Variants in KDM4B observed in about 807,000 individuals in gnomAD.
KDM4B encodes lysine-specific demethylase 4B.
Under a neutral mutation model 125.2 loss-of-function variants are expected in KDM4B, and 32 were observed. That is an observed-to-expected ratio of 0.26 (90% confidence interval 0.19 to 0.34). The LOEUF (loss-of-function observed/expected upper bound fraction) is 0.34. Ranked by LOEUF, KDM4B falls within the 10% of genes least tolerant of loss-of-function variation. The pLI, the probability that KDM4B is intolerant of heterozygous loss-of-function variation, is 1.00. For synonymous variants in KDM4B, 721 were observed against 677.9 expected (o/e 1.06, Z -0.99); for missense variants, 1,190 against 1,577.7 (o/e 0.75, Z 4.16).
intron 9 of KDM4B, among the ~76,000 whole-genome samples, chr19:5,108,750 G>A (rs1285830772): frequency 1.3e-5 from 2 of 152,212 alleles, no homozygotes; most frequent in Admixed American, 6.5e-5. Context: ...CTTCTTCTGT[G>A]CCTGTTTGAT....
chr19:5,127,323 GC>G (rs1205943428), intron 11 of KDM4B, among the ~76,000 whole-genome samples: 4 of 152,304 alleles, frequency 2.6e-5, no homozygotes, highest in Admixed American at 6.5e-5. Flanking sequence ...CAAGGACAGA[GC>G]CCCGAGGAAT....
At chr19:5,017,246 C>T (rs2035920666) in intron 2 of KDM4B, among the ~76,000 whole-genome samples, 1 of 152,170 alleles carries the variant, frequency 6.6e-6, no homozygotes, top group Non-Finnish European at 1.5e-5. Context: ...GGAGCCCAGC[C>T]TCTTTTGGGA....
chr19:5,066,075 C>G (rs2037760416), intron 6 of KDM4B, among the ~76,000 whole-genome samples: 1 of 152,342 alleles, frequency 6.6e-6, no homozygotes, highest in South Asian at 2.1e-4. Context: ...TCTCTGGACA[C>G]CAGTCAGACT....
chr19:5,055,626 G>C lies in KDM4B; in HGVS notation c.626+7957G>C, dbSNP rs190862645. ...GGTGGGCCCGTGATGGGGGCTGGGAGGGCGCCCCGCAGCAGGCGAGTGTCG... is the reference window on the plus strand; with the variant it reads ...GGTGGGCCCGTGATGGGGGCTGGGACGGCGCCCCGCAGCAGGCGAGTGTCG... On this transcript the variant is annotated intron_variant, in intron 6 of 22. Coordinates refer to ENST00000159111, the MANE Select transcript of KDM4B (RefSeq NM_015015.3). Among the ~76,000 whole-genome samples the C allele has an allele frequency of 7.4e-4, 113 of 152,308 alleles. 2 individuals are homozygous for C. The highest frequency in any genetic ancestry group is 2.6e-3 in the African/African-American group (107 of 41,562).
rs1197759922 is a variant in KDM4B at position 5,035,378 on chromosome 19, T to C, written c.141+2347T>C. On this transcript the variant is annotated intron_variant, in intron 3 of 22. Coordinates refer to ENST00000159111, the MANE Select transcript of KDM4B (RefSeq NM_015015.3). The surrounding 1 kb of genome is among the most constrained non-coding windows in gnomAD (Gnocchi z 5.3). ...GGGGAATCAGCATCTCAGACCGCCC[T>C]GCGCTCTTCCGAGGTGCCTTTAAAT... is the stretch of plus-strand genomic sequence containing the variant. 6.6e-6 allele frequency among the ~76,000 whole-genome samples: 1 copy of C among 151,940 alleles called. No individual in the cohort carries two copies. Among genetic ancestry groups the C allele is most frequent in the East Asian group, 1.9e-4 (1 of 5,156 alleles).
At chr19:4,982,757 C>T (rs1382159985) in intron 1 of KDM4B, among the ~76,000 whole-genome samples, 1 of 151,958 alleles carries the variant, frequency 6.6e-6, no homozygotes, top group Non-Finnish European at 1.5e-5. Context: ...GGACTACAGG[C>T]GCGTGCCACC....
intron 1 of KDM4B, among the ~76,000 whole-genome samples, chr19:5,006,881 A>G (rs902579522): frequency 2.6e-5 from 4 of 152,010 alleles, no homozygotes; most frequent in African/African-American, 9.7e-5. Context: ...CCGCTCTGTG[A>G]AGTGGGAGTG....
At position 5,114,415 on chromosome 19, in the gene KDM4B, C is replaced by G. The variant is rs1001387879; in HGVS notation, c.1115+3597C>G. 1.1e-5 allele frequency: 5 copies of G among 440,388 alleles called. No individual in the cohort carries two copies. Among genetic ancestry groups the G allele is most frequent in the Non-Finnish European group, 2.2e-5 (5 of 225,176 alleles). The allele number at this position is 440,388 out of a possible 1,614,324, so 27.3% of individuals were successfully genotyped here. On this transcript the variant is annotated intron_variant, in intron 10 of 22. Transcript: ENST00000159111. This position sits in a 1 kb window ranked among gnomAD's most constrained non-coding sequence, Gnocchi z 5.8. ...CAGGACACCGCCACGCCTCTGGCCC[C>G]GACTCCTGCCAGGGCTGCCACGGCT...
rs536524459 is a variant in KDM4B, at chr19:5,114,409, T to C, written c.1115+3591T>C. On this transcript the variant is annotated intron_variant, in intron 10 of 22. Coordinates refer to ENST00000159111, the MANE Select transcript of KDM4B (RefSeq NM_015015.3). The surrounding 1 kb of genome is among the most constrained non-coding windows in gnomAD (Gnocchi z 5.8). ...CCAGTGCAGGACACCGCCACGCCTC[T>C]GGCCCCGACTCCTGCCAGGGCTGCC... The C allele has an allele frequency of 3.4e-4, 152 of 450,802 alleles. No individual in the cohort carries two copies. Among genetic ancestry groups the C allele is most frequent in the African/African-American group, 2.7e-3 (136 of 50,058 alleles). 27.9% of individuals were successfully genotyped at this position (450,802 alleles called of 1,614,324 possible).
intron 9 of KDM4B, among the ~76,000 whole-genome samples, chr19:5,091,714 G>T (rs960151087): frequency 2.6e-5 from 4 of 151,150 alleles, no homozygotes; most frequent in Non-Finnish European, 4.4e-5. Context: ...GAGCCCAGGG[G>T]GAGGGAGCCC....
Position 5,135,338 on chromosome 19 carries a change from G to C in KDM4B, c.2086-1G>C, listed in dbSNP as rs1345963177. 1 of 1,607,002 alleles carries C rather than the reference G, an allele frequency of 6.2e-7. No individual in the cohort carries two copies. Among genetic ancestry groups the C allele is most frequent in the Admixed American group, 1.7e-5 (1 of 59,996 alleles). On this transcript the variant is annotated splice_acceptor_variant, in intron 14 of 22. Transcript: ENST00000159111. LOFTEE classifies it high-confidence loss of function. The stretch of plus-strand genomic sequence containing the variant: ...CCCTGAAGGTCGCCTCTCCCCTACA[G>C]GCCCTACAGACTGAGAAGGAGGCAC...
intron 9 of KDM4B, among the ~76,000 whole-genome samples, chr19:5,096,615 C>T (rs1187564959): frequency 6.7e-6 from 1 of 150,310 alleles, no homozygotes; most frequent in Non-Finnish European, 1.5e-5. Context: ...CCGCGGTGCC[C>T]CCGGCGGTGT....
intron 1 of KDM4B, among the ~76,000 whole-genome samples, chr19:4,991,320 A>C (rs769476059): frequency 6.6e-6 from 1 of 151,580 alleles, no homozygotes; most frequent in Non-Finnish European, 1.5e-5. Flanking sequence ...TTAATTTTTA[A>C]AGAATTACAG....
chr19:5,082,565 C>T lies in KDM4B; in HGVS notation c.918+61C>T. On this transcript the variant is annotated intron_variant, in intron 9 of 22. Coordinates refer to ENST00000159111, the MANE Select transcript of KDM4B (RefSeq NM_015015.3). This position sits in a 1 kb window ranked among gnomAD's most constrained non-coding sequence, Gnocchi z 5.4. The stretch of plus-strand genomic sequence containing the variant: ...GGCGGGAGGAGGCTCTTTTTTGCCT[C>T]TGCAGCCACACGCCCATAGCTGGTC... 1.3e-6 allele frequency: 2 copies of T among 1,514,238 alleles called. No homozygotes were observed. The highest frequency in any genetic ancestry group is 1.3e-5 in the South Asian group (1 of 76,922). The allele number at this position is 1,514,238 out of a possible 1,614,324, so 93.8% of individuals were successfully genotyped here.
chr19:4,988,610 A>G (rs2034927995), intron 1 of KDM4B, among the ~76,000 whole-genome samples: 1 of 152,006 alleles, frequency 6.6e-6, no homozygotes, highest in South Asian at 2.1e-4. Context: ...TTGCTAATGC[A>G]CCTCTCAAAA....
intron 9 of KDM4B, among the ~76,000 whole-genome samples, chr19:5,084,839 T>C (rs1037488916): frequency 6.6e-6 from 1 of 151,452 alleles, no homozygotes; most frequent in Admixed American, 6.6e-5. Flanking sequence ...ATTTCACCTG[T>C]TTCATTTTAC....
intron 11 of KDM4B, among the ~76,000 whole-genome samples, chr19:5,120,486 G>A (rs1193959296): frequency 7.1e-6 from 1 of 141,454 alleles, no homozygotes; most frequent in Non-Finnish European, 1.6e-5. Flanking sequence ...CCACTCTCCC[G>A]GGGCTGGCAA....
chr19:5,111,779 G>C, intron 10 of KDM4B: 1 of 765,234 alleles, frequency 1.3e-6, no homozygotes, highest in Non-Finnish European at 2.4e-6. Flanking sequence ...TTGCAGGCCA[G>C]GCCTCCTGTG....
intron 21 of KDM4B, among the ~76,000 whole-genome samples, chr19:5,149,570 T>C (rs962405697): frequency 6.6e-6 from 1 of 152,210 alleles, no homozygotes; most frequent in Non-Finnish European, 1.5e-5. Context: ...CCCCAGCACC[T>C]TTCCTGGCTT....
Sources: allele counts gnomAD v4.1 joint callset (sites outside exome capture counted in the v4.1 genomes callset), GRCh38; gene constraint gnomAD v4.1.1; non-coding constraint Gnocchi (gnomAD v3.1); transcripts MANE v1.5; gene names NCBI Gene and HGNC (gene_info 2026-07-23, HGNC 2026-07-21).